The following CSGALNACT1 variants were observed in gnomAD, a reference collection of about 807,000 sequenced individuals.
The protein encoded by CSGALNACT1 is chondroitin sulfate N-acetylgalactosaminyltransferase 1.
Under a neutral mutation model 51.0 loss-of-function variants are expected in CSGALNACT1, and 52 were observed. That is an observed-to-expected ratio of 1.02 (90% CI 0.82 to 1.29). CSGALNACT1 has a LOEUF of 1.29. CSGALNACT1 is among the 50% of genes most tolerant of loss of function. The pLI is 0.00. For missense variants in CSGALNACT1, 935 were observed against 679.2 expected, an observed-to-expected ratio of 1.38 and a Z score of -4.19; for synonymous variants, 341 against 254.4, an observed-to-expected ratio of 1.34 and a Z score of -3.24.
At chr8:19,543,964 G>A (rs181016151) in intron 3 of CSGALNACT1, among the ~76,000 whole-genome samples, 19 of 152,168 alleles carry the variant, frequency 1.2e-4, no homozygotes, top group African/African-American at 3.4e-4. Context: ...AATTCTTCCT[G>A]ATCAGCTTAG....
intron 1 of CSGALNACT1, among the ~76,000 whole-genome samples, chr8:19,703,256 G>C (rs1321793098): frequency 6.6e-6 from 1 of 152,118 alleles, no homozygotes; most frequent in Non-Finnish European, 1.5e-5. Flanking sequence ...TGGGATTTGA[G>C]CCACTCGAAG....
At chr8:19,499,965 A>G (rs1252727960) in intron 4 of CSGALNACT1, among the ~76,000 whole-genome samples, 1 of 152,194 alleles carries the variant, frequency 6.6e-6, no homozygotes, top group Non-Finnish European at 1.5e-5. Context: ...GATTCATTCT[A>G]CAAAGTACAG....
intron 1 of CSGALNACT1, among the ~76,000 whole-genome samples, chr8:19,648,831 A>G (rs1180667552): frequency 3.3e-5 from 5 of 152,248 alleles, no homozygotes; most frequent in African/African-American, 9.6e-5. Context: ...AAGAATGTGA[A>G]CACCTTAATG....
At chr8:19,549,605 T>C (rs2087408633) in intron 3 of CSGALNACT1, among the ~76,000 whole-genome samples, 1 of 150,524 alleles carries the variant, frequency 6.6e-6, no homozygotes, top group South Asian at 2.1e-4. Flanking sequence ...ACCCTGAAAC[T>C]TCCCCTTTTC....
intron 4 of CSGALNACT1, among the ~76,000 whole-genome samples, chr8:19,504,839 T>C (rs1193795149): frequency 6.6e-6 from 1 of 152,346 alleles, no homozygotes; most frequent in East Asian, 1.9e-4. Flanking sequence ...TGCGTGTTAT[T>C]ATTCTGTTCA....
chr8:19,707,666 C>T (rs1465988867), intron 1 of CSGALNACT1, among the ~76,000 whole-genome samples: 1 of 150,062 alleles, frequency 6.7e-6, no homozygotes, highest in East Asian at 2.1e-4. Flanking sequence ...ATATGTTTAA[C>T]TAATATGCTT....
At chr8:19,405,488 G>A (rs1206647132) in exon 10 of CSGALNACT1, 1 of 573,028 alleles carries the variant, frequency 1.7e-6, no homozygotes, top group South Asian at 1.5e-5. Context: ...ACAGGTCTCA[G>A]TGTGTTGTAA....
intron 5 of CSGALNACT1, among the ~76,000 whole-genome samples, chr8:19,449,125 ACTGT>A (rs759733712): frequency 7.2e-5 from 11 of 152,146 alleles, no homozygotes; most frequent in African/African-American, 2.7e-4. Context: ...TATTTTCCTG[ACTGT>A]CCATTTCAAA....
chr8:19,497,849 G>T (rs111239993), intron 4 of CSGALNACT1, among the ~76,000 whole-genome samples: 2 of 152,130 alleles, frequency 1.3e-5, no homozygotes, highest in East Asian at 3.9e-4. Context: ...ACTTTGGAGA[G>T]GCTAATCAGA....
rs76342287 is a variant in CSGALNACT1 at position 19,586,868 on chromosome 8, G to C, written c.-297+4292C>G. Among the ~76,000 whole-genome samples, 2,008 of 152,234 alleles carry C rather than the reference G, an allele frequency of 0.013. 101 individuals are homozygous for C. In the East Asian group the frequency reaches 0.17, roughly 13 times the overall value. Reference sequence around the variant, plus strand: ...CAGGTACATCGTACCCTACCAGAGAGGAATCCATTACATAGTATTTTCCCA... The same window carrying C: ...CAGGTACATCGTACCCTACCAGAGACGAATCCATTACATAGTATTTTCCCA... On this transcript the variant is annotated intron_variant, in intron 3 of 9. Coordinates refer to ENST00000454498, the Ensembl canonical transcript of CSGALNACT1.
chr8:19,507,817 C>T (rs1222232163), intron 3 of CSGALNACT1, among the ~76,000 whole-genome samples: 3 of 152,126 alleles, frequency 2.0e-5, no homozygotes, highest in Non-Finnish European at 2.9e-5. Context: ...TTAGTAGAGA[C>T]GGGGTTTCAC....
intron 4 of CSGALNACT1, among the ~76,000 whole-genome samples, chr8:19,479,678 G>A (rs953463993): frequency 6.0e-5 from 9 of 151,120 alleles, no homozygotes; most frequent in Non-Finnish European, 1.0e-4. Context: ...AGAAAGCCCC[G>A]ACTGTTAGGA....
At chr8:19,443,803 C>G (rs1359030112) in intron 5 of CSGALNACT1, among the ~76,000 whole-genome samples, 1 of 152,148 alleles carries the variant, frequency 6.6e-6, no homozygotes, top group African/African-American at 2.4e-5. Context: ...TCCAGATGTT[C>G]ATGGCCCTTA....
At chr8:19,475,666 A>C (rs1435523722) in intron 4 of CSGALNACT1, among the ~76,000 whole-genome samples, 1 of 152,210 alleles carries the variant, frequency 6.6e-6, no homozygotes, top group Non-Finnish European at 1.5e-5. Flanking sequence ...GCACACAAGC[A>C]AACAACTTAA....
At position 19,435,491 on chromosome 8, in the gene CSGALNACT1, C is replaced by CAAA. The variant is rs35102795; in HGVS notation, c.953+4336_953+4338dup. 2.7e-4 allele frequency among the ~76,000 whole-genome samples: 38 copies of CAAA among 138,376 alleles called. 1 individual carries two copies. The highest frequency in any genetic ancestry group is 9.0e-4 in the African/African-American group (34 of 37,920). 90.8% of individuals were successfully genotyped at this position (138,376 alleles called of 152,430 possible). A position where few individuals can be genotyped will look rare whatever the true frequency, so the allele number is the denominator to read the frequency against. ...CTGGTAAAAAAGTGAGACTCTGAAT[C>CAAA]AAAAAAAAAAAAAAAATTCCTATTA... is the stretch of plus-strand genomic sequence containing the variant. On this transcript the variant is annotated intron_variant, in intron 6 of 9. Transcript: ENST00000454498.
At chr8:19,441,051 G>C (rs2061256331) in intron 5 of CSGALNACT1, among the ~76,000 whole-genome samples, 1 of 152,112 alleles carries the variant, frequency 6.6e-6, no homozygotes, top group African/African-American at 2.4e-5. Context: ...ACAAACCACT[G>C]CTCAATGAAA....
At chr8:19,555,660 C>T (rs1471947583) in intron 3 of CSGALNACT1, among the ~76,000 whole-genome samples, 2 of 152,174 alleles carry the variant, frequency 1.3e-5, no homozygotes, top group East Asian at 1.9e-4. Context: ...TTATTGCTCC[C>T]AACTATACAT....
At chr8:19,655,774 T>C (rs1334301776) in intron 1 of CSGALNACT1, among the ~76,000 whole-genome samples, 1 of 152,152 alleles carries the variant, frequency 6.6e-6, no homozygotes, top group Non-Finnish European at 1.5e-5. Flanking sequence ...TTTTTTTCAC[T>C]TATTGTACAA....
At chr8:19,599,591 G>A (rs1373700848) in intron 2 of CSGALNACT1, among the ~76,000 whole-genome samples, 1 of 151,468 alleles carries the variant, frequency 6.6e-6, no homozygotes, top group African/African-American at 2.4e-5. Context: ...AAGGAAAGGA[G>A]GAAGGAAAGA....
Sources: allele counts gnomAD v4.1 joint callset (sites outside exome capture counted in the v4.1 genomes callset), GRCh38; gene constraint gnomAD v4.1.1; transcripts MANE v1.5; gene names NCBI Gene and HGNC (gene_info 2026-07-23, HGNC 2026-07-21).